Variants in KCNAB1 observed in about 807,000 individuals in gnomAD.
KCNAB1 encodes voltage-gated potassium channel subunit beta-1.
Under a neutral mutation model 64.6 loss-of-function variants are expected in KCNAB1, and 35 were observed. The observed-to-expected ratio is 0.54, with a 90% CI of 0.41 to 0.72. The LOEUF is 0.72. KCNAB1 is among the 30% of genes least tolerant of loss of function. KCNAB1 has a pLI of 0.00. For missense variants in KCNAB1, 401 were observed against 512.9 expected, an observed-to-expected ratio of 0.78 and a Z score of 2.11; for synonymous variants, 177 against 183.8, an observed-to-expected ratio of 0.96 and a Z score of 0.30.
chr3:156,143,541 G>A (rs1577632975), intron 1 of KCNAB1: 1 of 556,912 alleles, frequency 1.8e-6, no homozygotes, highest in Non-Finnish European at 2.8e-6. Context: ...GAAAAATGCA[G>A]TGAGCCCTCT....
At chr3:156,233,576 G>A (rs1230617929) in intron 1 of KCNAB1, among the ~76,000 whole-genome samples, 1 of 152,184 alleles carries the variant, frequency 6.6e-6, no homozygotes, top group African/African-American at 2.4e-5. Context: ...AGATGAGAAG[G>A]CCTGAGTAGA....
intron 1 of KCNAB1, among the ~76,000 whole-genome samples, chr3:156,129,788 T>A (rs1380593167): frequency 6.6e-6 from 1 of 152,220 alleles, no homozygotes; most frequent in Non-Finnish European, 1.5e-5. Flanking sequence ...TAGGAGTCTC[T>A]CTATGAGCCC....
intron 2 of KCNAB1, among the ~76,000 whole-genome samples, chr3:156,437,406 T>C (rs75693346): frequency 0.029 from 4,341 of 152,304 alleles, 111 homozygotes; most frequent in South Asian, 0.14. Flanking sequence ...TAATAAAATA[T>C]GTAGGAACAA....
At chr3:156,525,250 G>A (rs1718232755) in intron 12 of KCNAB1, among the ~76,000 whole-genome samples, 1 of 152,000 alleles carries the variant, frequency 6.6e-6, no homozygotes, top group South Asian at 2.1e-4. Flanking sequence ...AGCTCCATGT[G>A]TTTTACTGCC....
chr3:156,186,762 T>G (rs6770125), intron 1 of KCNAB1, among the ~76,000 whole-genome samples: 22,488 of 152,038 alleles, frequency 0.15, 1,860 homozygotes, highest in African/African-American at 0.18. Flanking sequence ...TTTCAGGCCT[T>G]GCTCTCCTTG....
chr3:156,161,010 A>G (rs762341750), intron 1 of KCNAB1, among the ~76,000 whole-genome samples: 2 of 152,222 alleles, frequency 1.3e-5, no homozygotes, highest in Non-Finnish European at 2.9e-5. Flanking sequence ...TCTCATTCAC[A>G]TGAAAGGAAA....
At position 156,421,688 on chromosome 3, in the gene KCNAB1, G is replaced by A. The variant is rs765939927; in HGVS notation, c.319+29G>A. Reference sequence around the variant, plus strand: ...AGTACTGAGGGTGTGACCTGGGGGTGGGCTGGAAGGTGGGAGACTGGGGAG... The same window carrying A: ...AGTACTGAGGGTGTGACCTGGGGGTAGGCTGGAAGGTGGGAGACTGGGGAG... On this transcript the variant is annotated intron_variant, in intron 2 of 13. Coordinates refer to ENST00000490337, the MANE Select transcript of KCNAB1 (RefSeq NM_172160.3). The A allele has an allele frequency of 4.3e-6, 7 of 1,610,382 alleles. No homozygotes were observed. In the South Asian group the frequency reaches 5.5e-5, roughly 13 times the overall value.
chr3:156,242,094 C>T (rs1038233882), intron 1 of KCNAB1, among the ~76,000 whole-genome samples: 2 of 152,146 alleles, frequency 1.3e-5, no homozygotes, highest in Admixed American at 6.5e-5. Flanking sequence ...TATTCTGAAA[C>T]GTTATCGTGA....
intron 1 of KCNAB1, among the ~76,000 whole-genome samples, chr3:156,166,685 TTCTC>T (rs1711591226): frequency 6.6e-6 from 1 of 152,192 alleles, no homozygotes; most frequent in Non-Finnish European, 1.5e-5. Context: ...TTTGCAAACA[TTCTC>T]TTTGCTTTTG....
At chr3:156,433,091 T>C (rs958134969) in intron 2 of KCNAB1, among the ~76,000 whole-genome samples, 13 of 152,184 alleles carry the variant, frequency 8.5e-5, no homozygotes, top group African/African-American at 3.1e-4. Context: ...CATGTGTTCA[T>C]GGATTTCACA....
intron 1 of KCNAB1, among the ~76,000 whole-genome samples, chr3:156,287,164 A>G (rs949344323): frequency 1.3e-5 from 2 of 152,064 alleles, no homozygotes; most frequent in African/African-American, 4.8e-5. Context: ...GAGACAGGGC[A>G]CTGGCATAGG....
chr3:156,458,723 G>T (rs1308784997), intron 4 of KCNAB1, among the ~76,000 whole-genome samples: 2 of 152,170 alleles, frequency 1.3e-5, no homozygotes, highest in African/African-American at 4.8e-5. Context: ...GTGGAATCCT[G>T]CTTAGTACCA....
At chr3:156,507,351 C>CA (rs1257765336) in intron 8 of KCNAB1, among the ~76,000 whole-genome samples, 37 of 149,624 alleles carry the variant, frequency 2.5e-4, no homozygotes, top group African/African-American at 7.1e-4. Context: ...GTGATGGGAC[C>CA]AAAAAAAAAC....
At chr3:156,307,815 G>C (rs1173681777) in intron 1 of KCNAB1, among the ~76,000 whole-genome samples, 1 of 152,114 alleles carries the variant, frequency 6.6e-6, no homozygotes, top group African/African-American at 2.4e-5. Context: ...AATACAGTAA[G>C]GCTGTACAGA....
intron 1 of KCNAB1, among the ~76,000 whole-genome samples, chr3:156,240,347 A>G (rs868237547): frequency 6.6e-6 from 1 of 151,016 alleles, no homozygotes; most frequent in African/African-American, 2.4e-5. Context: ...TCTTCCCTCA[A>G]TTAAATTAAA....
chr3:156,125,481 A>T (rs1713602116), intron 1 of KCNAB1, among the ~76,000 whole-genome samples: 1 of 152,260 alleles, frequency 6.6e-6, no homozygotes, highest in African/African-American at 2.4e-5. Flanking sequence ...GAGCTTTTAC[A>T]TACTATCAGT....
intron 1 of KCNAB1, among the ~76,000 whole-genome samples, chr3:156,189,673 A>G (rs1713434126): frequency 6.6e-6 from 1 of 152,198 alleles, no homozygotes; most frequent in African/African-American, 2.4e-5. Context: ...TGGCCATGAA[A>G]TTCAGAGAAA....
At chr3:156,428,530 CA>C (rs1559879702) in intron 2 of KCNAB1, among the ~76,000 whole-genome samples, 98 of 151,760 alleles carry the variant, frequency 6.5e-4, no homozygotes, top group Non-Finnish European at 1.1e-3. Flanking sequence ...CACACACACA[CA>C]CACCCTATTG....
intron 1 of KCNAB1, chr3:156,217,091 G>T (rs542201982): frequency 6.6e-6 from 1 of 152,318 alleles, no homozygotes; most frequent in South Asian, 2.1e-4. Context: ...GTTTGCCAAA[G>T]GCATGAAAAC....
Sources: gnomAD v4.1 joint callset for allele counts (sites outside exome capture counted in the v4.1 genomes callset) on GRCh38, gnomAD v4.1.1 for gene constraint, MANE v1.5 for transcripts, NCBI Gene and HGNC (gene_info 2026-07-23, HGNC 2026-07-21) for gene names.